ZNF559: variants seen among roughly 807,000 people sequenced by gnomAD.
ZNF559 encodes the protein putative protein product of Nbla00121.
In ZNF559, 17 loss-of-function variants were observed where a neutral mutation model predicts 14.2. The observed-to-expected ratio is 1.20, with a 90% CI of 0.82 to 1.80. The LOEUF (loss-of-function observed/expected upper bound fraction) is 1.80. ZNF559 is among the 40% of genes most tolerant of loss of function. ZNF559 has a pLI of 0.00. For synonymous variants in ZNF559, 244 were observed against 212.4 expected (o/e 1.15, Z -1.29); for missense variants, 740 against 629.7 (o/e 1.18, Z -1.88).
At chr19:9,334,574 C>T (rs1049837967) in intron 2 of ZNF559, among the ~76,000 whole-genome samples, 2 of 152,108 alleles carry the variant, frequency 1.3e-5, no homozygotes, top group African/African-American at 4.8e-5. Context: ...GAATAGTTTC[C>T]ATTTGCGAAG....
At chr19:9,324,272 A>G (rs2145009639) in intron 1 of ZNF559, 44 bp downstream of exon 1, 9 of 1,535,872 alleles carry the variant, frequency 5.9e-6, no homozygotes, top group African/African-American at 4.1e-5. Flanking sequence ...GTCCCGGTGC[A>G]GCCACGCGAG....
chr19:9,338,482 C>T lies in ZNF559; in HGVS notation c.-56-12C>T. 7 of 1,606,024 alleles carry T rather than the reference C, an allele frequency of 4.4e-6. No individual in the cohort carries two copies. Among genetic ancestry groups the T allele is most frequent in the Non-Finnish European group, 6.0e-6 (7 of 1,173,782 alleles). Reference sequence around the variant, plus strand: ...CAGCCTGGATTCTCAGATTTTATTTCTTCTTCTTAAGATCATCTTTCTCAA... The same window carrying T: ...CAGCCTGGATTCTCAGATTTTATTTTTTCTTCTTAAGATCATCTTTCTCAA... On this transcript the variant is annotated splice_polypyrimidine_tract_variant and intron_variant, in intron 3 of 6. Transcript: ENST00000603380.
At chr19:9,324,073 C>G (rs950064245), upstream of ZNF559, 2 of 1,345,858 alleles carry the variant, frequency 1.5e-6, no homozygotes, top group Non-Finnish European at 2.0e-6. Flanking sequence ...TTCCTCTCAG[C>G]TCTGGGTTGG....
In ZNF559 at chr19:9,341,092, C is replaced by T. The variant is rs1411057414; in HGVS notation, c.161-10C>T. The stretch of plus-strand genomic sequence containing the variant: ...TCTAAGAACTTAAAATTTTTTTCAT[C>T]TTATTTCAGATTGGGAGAGTCATAT... On this transcript the variant is annotated splice_polypyrimidine_tract_variant and intron_variant, in intron 5 of 6. Coordinates refer to ENST00000603380, the MANE Select transcript of ZNF559 (RefSeq NM_032497.3). 6.3e-7 allele frequency: 1 copy of T among 1,586,132 alleles called. No individual in the cohort carries two copies. The highest frequency in any genetic ancestry group is 8.5e-7 in the Non-Finnish European group (1 of 1,172,402).
chr19:9,337,977 T>C, intron 3 of ZNF559, 119 bp downstream of exon 3: 1 of 1,536,144 alleles, frequency 6.5e-7, no homozygotes, highest in Non-Finnish European at 8.7e-7. Flanking sequence ...CATTTCACTG[T>C]TAGACTCACA....
intron 4 of ZNF559, 86 bp from the exon 5 acceptor site, chr19:9,339,107 G>A (rs1222382943): frequency 1.3e-6 from 2 of 1,588,000 alleles, no homozygotes; most frequent in African/African-American, 1.3e-5. Context: ...GTCTTGTCAA[G>A]GCATGCCAAG....
At chr19:9,339,047 C>A in intron 4 of ZNF559, 146 bp from the exon 5 acceptor site, 1 of 1,065,810 alleles carries the variant, frequency 9.4e-7, no homozygotes, top group Non-Finnish European at 1.4e-6. Flanking sequence ...TGAATATGTA[C>A]AGACAGGGGA....
Position 9,324,209 on chromosome 19 carries a change from C to A in ZNF559, c.-225C>A. 3.3e-6 allele frequency: 5 copies of A among 1,536,088 alleles called. No individual in the cohort carries two copies. Among genetic ancestry groups the A allele is most frequent in the Non-Finnish European group, 4.4e-6 (5 of 1,146,888 alleles). On this transcript the variant is annotated 5_prime_UTR_variant, in exon 1 of 7. Transcript: ENST00000603380. ...CATAACGGCCGCCATCTTAACAGCG[C>A]GTTCCCGTTGGCGTCTGAGGTAAGT... is the stretch of plus-strand genomic sequence containing the variant.
intron 2 of ZNF559, among the ~76,000 whole-genome samples, chr19:9,335,783 C>T (rs1275651712): frequency 3.9e-5 from 6 of 152,214 alleles, no homozygotes; most frequent in Non-Finnish European, 7.3e-5. Context: ...GATCTGCCTG[C>T]TTTGGCCTCC....
Position 9,324,686 on chromosome 19 carries a change from C to A in ZNF559, c.-205-9C>A. 6.7e-7 allele frequency: 1 copy of A among 1,501,556 alleles called. No homozygotes were observed. Among genetic ancestry groups the A allele is most frequent in the East Asian group, 2.6e-5 (1 of 39,002 alleles). The allele number at this position is 1,501,556 out of a possible 1,614,324, so 93.0% of individuals were successfully genotyped here. A position where few individuals can be genotyped will look rare whatever the true frequency, so the allele number is the denominator to read the frequency against. ...CTCCACATCCAGCGTTGTGCCTTTT[C>A]TCTATAAGGAACAGCATCTCTGCCT... On this transcript the variant is annotated splice_polypyrimidine_tract_variant and intron_variant, in intron 1 of 6. Transcript: ENST00000603380.
chr19:9,340,218 G>C (rs938883764), intron 5 of ZNF559, among the ~76,000 whole-genome samples: 2 of 152,078 alleles, frequency 1.3e-5, no homozygotes, highest in African/African-American at 4.8e-5. Flanking sequence ...TGAGAGAAAA[G>C]ACAGATGTGA....
chr19:9,342,843 A>G lies in ZNF559; in HGVS notation c.1392A>G (p.Pro464=), dbSNP rs2067644152. 6 of 1,613,754 alleles carry G rather than the reference A, an allele frequency of 3.7e-6. No individual in the cohort carries two copies. In the African/African-American group the frequency reaches 4.0e-5, roughly 11 times the overall value. ...AAAGAATACATACAGGGGAGAGGCC[A>G]TATAAATGTCAAAAGTGTGGGCAAG... is the stretch of plus-strand genomic sequence containing the variant. ...QHKRIHTGER[P]YKCQKCGQAF... The change falls in exon 7 of 7, where the codon CCA becomes CCG. Residue 464 remains proline, a synonymous_variant. Coordinates refer to ENST00000603380, the MANE Select transcript of ZNF559 (RefSeq NM_032497.3).
Position 9,342,946 on chromosome 19 carries a change from G to T in ZNF559, c.1495G>T (p.Gly499Trp). The part of the protein sequence containing the change: ...GERPFECQEC[G>W]KAFTRSTYLI... Reference sequence around the variant, plus strand: ...ACGGCCCTTTGAATGTCAGGAATGTGGGAAAGCCTTTACTCGGTCCACATA... The same window carrying T: ...ACGGCCCTTTGAATGTCAGGAATGTTGGAAAGCCTTTACTCGGTCCACATA... Residue 499 changes from glycine (G) to tryptophan (W), a missense_variant, in exon 7 of 7, where the codon GGG becomes TGG. Coordinates refer to ENST00000603380, the MANE Select transcript of ZNF559 (RefSeq NM_032497.3). 1 of 1,614,228 alleles carries T rather than the reference G, an allele frequency of 6.2e-7. No homozygotes were observed.
rs755837090 is a variant in ZNF559, at chr19:9,338,553, G to T, written c.4G>T (p.Val2Leu). Residue 2 changes from valine (V) to leucine (L), a missense_variant, in exon 4 of 7, where the codon GTG becomes TTG. Physicochemically the swap from Val to Leu is conservative, Grantham distance 32. Coordinates refer to ENST00000603380, the MANE Select transcript of ZNF559 (RefSeq NM_032497.3). ...GTCAAAATTTGAAGAGGAAAGGATG[G>T]TGGCTGGGTGGTTGACAAATTACTC... M[V>L]AGWLTNYSQD... The T allele has an allele frequency of 1.9e-6, 3 of 1,614,010 alleles. No individual in the cohort carries two copies. Among genetic ancestry groups the T allele is most frequent in the Non-Finnish European group, 1.7e-6 (2 of 1,179,922 alleles).
intron 2 of ZNF559, 197 bp from the exon 3 acceptor site, chr19:9,337,599 T>C (rs1320244134): frequency 8.3e-6 from 2 of 240,804 alleles, no homozygotes; most frequent in African/African-American, 2.2e-5. Flanking sequence ...TAATTGGTGA[T>C]GTTGGGTTAA....
Position 9,344,554 on chromosome 19 carries a change from G to A in ZNF559, c.*1486G>A, listed in dbSNP as rs144625876. Reference sequence around the variant, plus strand: ...AGCTATTTAGGAGGCTGGGGCAAGAGGATTGCTTGAGCCTGGTCAGGGAGG... The same window carrying A: ...AGCTATTTAGGAGGCTGGGGCAAGAAGATTGCTTGAGCCTGGTCAGGGAGG... On this transcript the variant is annotated 3_prime_UTR_variant, in exon 7 of 7. Coordinates refer to ENST00000603380, the MANE Select transcript of ZNF559 (RefSeq NM_032497.3). 32 of 152,312 alleles carry A rather than the reference G, an allele frequency of 2.1e-4. No homozygotes were observed. The highest frequency in any genetic ancestry group is 6.0e-4 in the African/African-American group (25 of 41,538). The allele number at this position is 152,312 out of a possible 1,614,324, so 9.4% of individuals were successfully genotyped here.
intron 2 of ZNF559, among the ~76,000 whole-genome samples, chr19:9,336,577 A>G (rs916352789): frequency 1.3e-5 from 2 of 152,174 alleles, no homozygotes; most frequent in Admixed American, 1.3e-4. Context: ...CCTGGGCGAC[A>G]GAGCGAGACT....
chr19:9,324,020 C>T (rs975873471), upstream of ZNF559: 31 of 780,860 alleles, frequency 4.0e-5, no homozygotes, highest in African/African-American at 4.9e-4. Context: ...AGTCAAGACC[C>T]CCTACCGGTG....
At chr19:9,339,379 A>C (rs893061850) in intron 5 of ZNF559, 60 bp downstream of exon 5, 20 of 1,540,342 alleles carry the variant, frequency 1.3e-5, no homozygotes, top group Non-Finnish European at 1.8e-5. Context: ...GTCTTAAGTA[A>C]CTATGTTCTA....
Sources: allele counts gnomAD v4.1 joint callset (sites outside exome capture counted in the v4.1 genomes callset), GRCh38; gene constraint gnomAD v4.1.1; transcripts MANE v1.5; gene names NCBI Gene and HGNC (gene_info 2026-07-23, HGNC 2026-07-21).